The following RELN variants were observed in gnomAD, a reference collection of about 807,000 sequenced individuals.
The protein encoded by RELN is reelin.
In RELN, 108 loss-of-function variants were observed where a neutral mutation model predicts 427.6. That is an observed-to-expected ratio of 0.25 (90% CI 0.22 to 0.30). The LOEUF is 0.30. RELN is among the 10% of genes least tolerant of loss of function. The pLI is 1.00. For missense variants in RELN, 3,715 were observed against 4,302.8 expected, an observed-to-expected ratio of 0.86 and a Z score of 3.82; for synonymous variants, 1,524 against 1,513.4, an observed-to-expected ratio of 1.01 and a Z score of -0.16.
intron 2 of RELN, among the ~76,000 whole-genome samples, chr7:103,844,571 A>T (rs562425034): frequency 9.8e-4 from 150 of 152,308 alleles, no homozygotes; most frequent in Middle Eastern, 3.4e-3. Context: ...GGGTTAAGTA[A>T]GTTGTCCATA....
intron 9 of RELN, among the ~76,000 whole-genome samples, chr7:103,700,155 C>T (rs770213772): frequency 2.0e-4 from 31 of 151,940 alleles, no homozygotes; most frequent in Non-Finnish European, 4.3e-4. Flanking sequence ...TAAGAGCTAA[C>T]CCAATCATAA....
intron 24 of RELN, among the ~76,000 whole-genome samples, chr7:103,599,385 G>C (rs762571327): frequency 6.6e-6 from 1 of 152,056 alleles, no homozygotes; most frequent in Non-Finnish European, 1.5e-5. Context: ...TGCAGACCCA[G>C]TTCTGATTTC....
At chr7:103,572,328 G>A in intron 30 of RELN, 68 bp from the exon 31 acceptor site, 2 of 865,262 alleles carry the variant, frequency 2.3e-6, no homozygotes, top group South Asian at 1.4e-5. Context: ...TTAGCGTTTT[G>A]ACACATTAGA....
intron 46 of RELN, among the ~76,000 whole-genome samples, chr7:103,528,555 A>T (rs1389919100): frequency 2.6e-5 from 4 of 151,712 alleles, no homozygotes; most frequent in African/African-American, 9.7e-5. Context: ...ACAGGGTCTC[A>T]TCTTGCTCTG....
intron 11 of RELN, among the ~76,000 whole-genome samples, chr7:103,662,049 G>A (rs918559493): frequency 2.8e-4 from 42 of 152,226 alleles, no homozygotes; most frequent in African/African-American, 1.0e-3. Context: ...ATATGTAGAA[G>A]AGAATAAAAA....
chr7:103,862,930 A>G (rs946494106), intron 2 of RELN, among the ~76,000 whole-genome samples: 2 of 152,170 alleles, frequency 1.3e-5, no homozygotes, highest in Non-Finnish European at 2.9e-5. Flanking sequence ...GGAGAGCCAC[A>G]TATTGAAGAG....
At chr7:103,602,689 G>T (rs1373665542) in intron 24 of RELN, among the ~76,000 whole-genome samples, 1 of 152,080 alleles carries the variant, frequency 6.6e-6, no homozygotes. Context: ...TGGGGGATGG[G>T]GGACTAGGAG....
intron 53 of RELN, among the ~76,000 whole-genome samples, chr7:103,499,577 T>TAAAC (rs1447841108): frequency 6.6e-6 from 1 of 152,002 alleles, no homozygotes; most frequent in Non-Finnish European, 1.5e-5. Context: ...TAAAATGATT[T>TAAAC]AAACAGTTTC....
chr7:103,856,569 C>CAAAAA (rs34695080), intron 2 of RELN, among the ~76,000 whole-genome samples: 11 of 80,168 alleles, frequency 1.4e-4, no homozygotes, highest in South Asian at 4.2e-4. Flanking sequence ...AACTCCACCT[C>CAAAAA]AAAAAAAAAA....
chr7:103,545,332 G>C lies in RELN; in HGVS notation c.6315C>G (p.Phe2105Leu). 1 of 1,612,296 alleles carries C rather than the reference G, an allele frequency of 6.2e-7. No individual in the cohort carries two copies. Among genetic ancestry groups the C allele is most frequent in the Non-Finnish European group, 8.5e-7 (1 of 1,178,352 alleles). ...CAGGGTAAAATCCCTGGTACCATCT[G>C]AAACGGACAGATCTGGAAAAGAGGA... ...GKLHLCGSVR[F>L]RWYQGFYPAG... is the part of the protein sequence containing the mutation. The change falls in exon 42 of 65, where the codon TTC becomes TTG. Residue 2105 changes from phenylalanine (F) to leucine (L), a missense_variant. This residue lies in a region of RELN where 1,310 missense variants were observed against 1,643.0 expected (regional missense o/e 0.80). Coordinates refer to ENST00000428762, the MANE Select transcript of RELN (RefSeq NM_005045.4).
Position 103,665,337 on chromosome 7 carries a change from GGT to G in RELN, c.1290-3812_1290-3811del, listed in dbSNP as rs565319459. 5.2e-3 allele frequency among the ~76,000 whole-genome samples: 765 copies of G among 146,472 alleles called. 4 individuals are homozygous for G. Among genetic ancestry groups the G allele is most frequent in the African/African-American group, 0.013 (527 of 39,946 alleles). On this transcript the variant is annotated intron_variant, in intron 11 of 64. Coordinates refer to ENST00000428762, the MANE Select transcript of RELN (RefSeq NM_005045.4). Reference sequence around the variant, plus strand: ...AAACCAATTTAAATATCATACATATGGTGTGTGTGTGTGTGTGTGTGTGTGTA... The same window carrying G: ...AAACCAATTTAAATATCATACATATGGTGTGTGTGTGTGTGTGTGTGTGTA...
chr7:103,711,029 C>T (rs910045542), intron 8 of RELN, among the ~76,000 whole-genome samples: 2 of 151,804 alleles, frequency 1.3e-5, no homozygotes, highest in South Asian at 2.1e-4. Flanking sequence ...GGCAACAGAG[C>T]GAGACTCCGT....
At chr7:103,567,382 G>A (rs1424891125) in intron 31 of RELN, among the ~76,000 whole-genome samples, 4 of 152,142 alleles carry the variant, frequency 2.6e-5, no homozygotes, top group Non-Finnish European at 4.4e-5. Flanking sequence ...ATTCATCCAC[G>A]CCCCTCCACT....
At chr7:103,805,427 T>C (rs1792574961) in intron 3 of RELN, among the ~76,000 whole-genome samples, 1 of 152,186 alleles carries the variant, frequency 6.6e-6, no homozygotes, top group Admixed American at 6.6e-5. Flanking sequence ...CTGACAACTA[T>C]ATGTGTTGCC....
intron 20 of RELN, among the ~76,000 whole-genome samples, chr7:103,624,387 G>T (rs549405302): frequency 6.6e-6 from 1 of 151,952 alleles, no homozygotes; most frequent in Non-Finnish European, 1.5e-5. Context: ...CCACCACATC[G>T]TCACATACCA....
At chr7:103,833,484 G>A (rs1161553300) in intron 3 of RELN, 53 bp downstream of exon 3, 2 of 1,484,410 alleles carry the variant, frequency 1.3e-6, no homozygotes, top group East Asian at 2.3e-5. Context: ...AATCCCATGA[G>A]AAGTCCTAAG....
chr7:103,686,718 T>C (rs1396873410), intron 10 of RELN, among the ~76,000 whole-genome samples: 1 of 152,168 alleles, frequency 6.6e-6, no homozygotes, highest in Non-Finnish European at 1.5e-5. Flanking sequence ...GTTTTTCAAG[T>C]CTTTTACTAT....
At chr7:103,911,853 G>A (rs539937829) in intron 2 of RELN, among the ~76,000 whole-genome samples, 78 of 126,068 alleles carry the variant, frequency 6.2e-4, no homozygotes, top group Admixed American at 1.7e-3. Context: ...GGGGACTGTG[G>A]TGGGGTGGGG....
intron 19 of RELN, among the ~76,000 whole-genome samples, chr7:103,631,924 AAC>A (rs1832476958): frequency 6.6e-6 from 1 of 152,160 alleles, no homozygotes. Context: ...TAATTATAAA[AAC>A]AGTTAATATT....
Sources: gnomAD v4.1 joint callset for allele counts (sites outside exome capture counted in the v4.1 genomes callset) on GRCh38, gnomAD v4.1.1 for gene constraint, gnomAD v4.1.1 regional missense constraint, MANE v1.5 for transcripts, NCBI Gene and HGNC (gene_info 2026-07-23, HGNC 2026-07-21) for gene names.